The following TLN2 variants were observed in gnomAD, a reference collection of about 807,000 sequenced individuals.
The protein encoded by TLN2 is talin-2.
A neutral mutation model predicts 294.7 loss-of-function variants in TLN2; 118 were observed. The observed-to-expected ratio is 0.40, with a 90% CI of 0.34 to 0.47. TLN2 has a LOEUF of 0.47. Among genes scored for constraint, TLN2 ranks in the 20% least tolerant of loss-of-function variants. TLN2 has a pLI of 0.84. For missense variants in TLN2, 3,083 were observed against 3,282.2 expected, an observed-to-expected ratio of 0.94 and a Z score of 1.48; for synonymous variants, 1,431 against 1,304.5, an observed-to-expected ratio of 1.10 and a Z score of -2.09.
intron 9 of TLN2, among the ~76,000 whole-genome samples, chr15:62,658,420 G>A (rs1456792526): frequency 6.6e-6 from 1 of 152,210 alleles, no homozygotes; most frequent in Non-Finnish European, 1.5e-5. Context: ...TGGGACCAGA[G>A]TATGCCTTTG....
intron 41 of TLN2, among the ~76,000 whole-genome samples, chr15:62,767,072 C>T (rs936736499): frequency 6.6e-6 from 1 of 152,186 alleles, no homozygotes; most frequent in African/African-American, 2.4e-5. Context: ...GGATTTTTAA[C>T]CACCTTGGGT....
At chr15:62,592,777 C>T (rs1018082122) in intron 2 of TLN2, among the ~76,000 whole-genome samples, 1 of 152,126 alleles carries the variant, frequency 6.6e-6, no homozygotes, top group African/African-American at 2.4e-5. Context: ...GAGACGGCCA[C>T]GCTTTGCAGG....
chr15:62,452,503 T>G (rs1453826631), intron 1 of TLN2, among the ~76,000 whole-genome samples: 2 of 152,156 alleles, frequency 1.3e-5, no homozygotes, highest in African/African-American at 2.4e-5. Flanking sequence ...TATAGTTGAG[T>G]GGCATGAAGT....
intron 19 of TLN2, 52 bp downstream of exon 19, chr15:62,702,916 A>G: frequency 1.3e-6 from 2 of 1,503,268 alleles, no homozygotes; most frequent in Non-Finnish European, 1.9e-6. Context: ...GTGATGGTCT[A>G]GACCCGAGCA....
At chr15:62,840,300 G>A (rs566825282) in intron 58 of TLN2, among the ~76,000 whole-genome samples, 182 bp from the exon 59 acceptor site, 1 of 152,218 alleles carries the variant, frequency 6.6e-6, no homozygotes, top group African/African-American at 2.4e-5. Flanking sequence ...TGGCTCAGCT[G>A]GGTCATTAGT....
At chr15:62,754,393 G>A (rs945918123) in intron 36 of TLN2, 1 of 152,390 alleles carries the variant, frequency 6.6e-6, no homozygotes, top group African/African-American at 2.4e-5. Flanking sequence ...TCACAGAAGT[G>A]ACGGCACTGA....
chr15:62,473,846 C>A (rs200773308), intron 1 of TLN2, among the ~76,000 whole-genome samples: 1 of 152,214 alleles, frequency 6.6e-6, no homozygotes, highest in Non-Finnish European at 1.5e-5. Flanking sequence ...GTAATCCCAG[C>A]ACTTTGGGAG....
At chr15:62,575,829 A>G (rs28376738) in intron 1 of TLN2, among the ~76,000 whole-genome samples, 4 of 152,330 alleles carry the variant, frequency 2.6e-5, no homozygotes, top group Middle Eastern at 3.4e-3. Flanking sequence ...GTGAGTGGCT[A>G]TTCTCCAGGT....
intron 45 of TLN2, among the ~76,000 whole-genome samples, chr15:62,785,498 A>G (rs2064563340): frequency 6.6e-6 from 1 of 152,176 alleles, no homozygotes; most frequent in Non-Finnish European, 1.5e-5. Flanking sequence ...CCCCTTGTCT[A>G]CAAAAATACT....
intron 42 of TLN2, among the ~76,000 whole-genome samples, chr15:62,772,801 T>C (rs1382459408): frequency 6.6e-6 from 1 of 152,082 alleles, no homozygotes; most frequent in African/African-American, 2.4e-5. Context: ...TAGCTGGTAT[T>C]ACAGGTGCCT....
intron 46 of TLN2, among the ~76,000 whole-genome samples, chr15:62,793,608 C>A (rs1387356315): frequency 6.6e-6 from 1 of 152,082 alleles, no homozygotes; most frequent in East Asian, 1.9e-4. Context: ...GCAGTTTTCC[C>A]CAGTTAACCA....
At chr15:62,571,044 A>C (rs2043830652) in intron 1 of TLN2, among the ~76,000 whole-genome samples, 1 of 152,162 alleles carries the variant, frequency 6.6e-6, no homozygotes, top group South Asian at 2.1e-4. Context: ...GTCTCACAGC[A>C]GTGAAGGCAG....
At chr15:62,761,535 T>C in intron 37 of TLN2, 146 bp from the exon 38 acceptor site, 1 of 1,112,518 alleles carries the variant, frequency 9.0e-7, no homozygotes, top group South Asian at 1.5e-5. Context: ...GTCTCTTTCA[T>C]CAGTTCCTAT....
intron 37 of TLN2, 100 bp downstream of exon 37, chr15:62,755,793 A>G: frequency 7.0e-7 from 1 of 1,430,032 alleles, no homozygotes; most frequent in Non-Finnish European, 9.5e-7. Flanking sequence ...TTGTCTAGTG[A>G]AGCTTAACTT....
chr15:62,553,468 G>A (rs2042436514), intron 1 of TLN2, among the ~76,000 whole-genome samples: 1 of 152,058 alleles, frequency 6.6e-6, no homozygotes, highest in Non-Finnish European at 1.5e-5. Flanking sequence ...GTGGGCGACA[G>A]AGCGAGACTC....
chr15:62,708,881 G>T (rs2059243121), intron 21 of TLN2, 85 bp downstream of exon 21: 3 of 1,458,844 alleles, frequency 2.1e-6, no homozygotes, highest in Non-Finnish European at 9.1e-7. Context: ...GGTGAAGGCT[G>T]CCTGGATGAC....
intron 1 of TLN2, among the ~76,000 whole-genome samples, chr15:62,550,709 TAGAC>T (rs1438811534): frequency 6.6e-6 from 1 of 152,144 alleles, no homozygotes; most frequent in Non-Finnish European, 1.5e-5. Context: ...TTTCTTCCCT[TAGAC>T]AGGTAACCAC....
rs192181627 is a variant in TLN2 at position 62,467,014 on chromosome 15, A to G, written c.-238+76329A>G. ...CCCTCCGTTTTGTGAGCCTTGCCTCAAGCTTGGGGGAGGACACTCACCAAA... is the reference window on the plus strand; with the variant it reads ...CCCTCCGTTTTGTGAGCCTTGCCTCGAGCTTGGGGGAGGACACTCACCAAA... On this transcript the variant is annotated intron_variant, in intron 1 of 58. Transcript: ENST00000636159. 2.7e-3 allele frequency among the ~76,000 whole-genome samples: 408 copies of G among 152,348 alleles called. 2 individuals carry two copies. Among genetic ancestry groups the G allele is most frequent in the African/African-American group, 9.4e-3 (390 of 41,584 alleles).
At position 62,655,945 on chromosome 15, in the gene TLN2, A is replaced by T; in HGVS notation, c.519A>T (p.Leu173=). 6.2e-7 allele frequency: 1 copy of T among 1,614,240 alleles called. No individual in the cohort carries two copies. The highest frequency in any genetic ancestry group is 8.5e-7 in the Non-Finnish European group (1 of 1,180,042). Residue 173 remains leucine, a splice_region_variant and synonymous_variant, in exon 8 of 59, where the codon CTA becomes CTT. Coordinates refer to ENST00000636159, the MANE Select transcript of TLN2 (RefSeq NM_015059.3). ...LKAKLHTDDD[L]NWLDHSRTFR... ...CTTATATGTCTTGTTGTGTTGCAGT[A>T]AATTGGCTGGATCACAGCCGAACAT...
Sources: gnomAD v4.1 joint callset for allele counts (sites outside exome capture counted in the v4.1 genomes callset) on GRCh38, gnomAD v4.1.1 for gene constraint, MANE v1.5 for transcripts, NCBI Gene and HGNC (gene_info 2026-07-23, HGNC 2026-07-21) for gene names.